The following ETV5 variants were observed in gnomAD, a reference collection of about 807,000 sequenced individuals.
The protein encoded by ETV5 is ETS variant transcription factor 5.
ETV5 carries 10 observed loss-of-function variants against 70.0 expected under a neutral mutation model. That is an observed-to-expected ratio of 0.14 (90% confidence interval 0.09 to 0.24). The LOEUF (loss-of-function observed/expected upper bound fraction) is 0.24. Among genes scored for constraint, ETV5 ranks in the 10% least tolerant of loss-of-function variants. The pLI is 1.00. For missense variants in ETV5, 453 were observed against 651.2 expected, an observed-to-expected ratio of 0.70 and a Z score of 3.31; for synonymous variants, 216 against 242.2, an observed-to-expected ratio of 0.89 and a Z score of 1.01.
chr3:186,083,609 C>G (rs140051787), intron 5 of ETV5, among the ~76,000 whole-genome samples: 9 of 152,146 alleles, frequency 5.9e-5, no homozygotes, highest in Non-Finnish European at 1.0e-4. Flanking sequence ...TAGTGTGTAC[C>G]ACATCATTTT....
chr3:186,081,113 G>C lies in ETV5; in HGVS notation c.295C>G (p.Leu99Val). 1 of 1,613,862 alleles carries C rather than the reference G, an allele frequency of 6.2e-7. No individual in the cohort carries two copies. The highest frequency in any genetic ancestry group is 8.5e-7 in the Non-Finnish European group (1 of 1,179,826). ...GCCTGCTCATGGCTACAAGACGACA[G>C]CTCAGAGGAGGGGCTGTGCAGCTCC... ...KRELHSPSSE[L>V]SSCSHEQALG... The change falls in exon 6 of 13, where the codon CTG (leucine) becomes GTG (valine). Residue 99 changes from leucine to valine, a missense_variant. Physicochemically the swap from Leu to Val is conservative, Grantham distance 32 (BLOSUM62 1). Transcript: ENST00000306376.
At position 186,052,179 on chromosome 3, in the gene ETV5, C is replaced by T. The variant is rs774218618; in HGVS notation, c.1210-48G>A. 38 of 1,568,528 alleles carry T rather than the reference C, an allele frequency of 2.4e-5. No individual in the cohort carries two copies. Among genetic ancestry groups the T allele is most frequent in the Non-Finnish European group, 3.1e-5 (35 of 1,139,974 alleles). On this transcript the variant is annotated intron_variant, in intron 11 of 12. Transcript: ENST00000306376. This position sits in a 1 kb window ranked among gnomAD's most constrained non-coding sequence, Gnocchi z 4.5. ...AGCAATGGAAACGCATTCCCTGGGC[C>T]CCATGTTCTCTCCCAATCCCAGCAG...
chr3:186,106,074 G>C, intron 1 of ETV5, 132 bp from the exon 2 acceptor site: 1 of 636,244 alleles, frequency 1.6e-6, no homozygotes, highest in South Asian at 2.0e-5. Context: ...CCTACTCAAG[G>C]TGCAAGCTTT....
At chr3:186,062,393 C>T (rs187463070) in intron 9 of ETV5, among the ~76,000 whole-genome samples, 38 of 152,280 alleles carry the variant, frequency 2.5e-4, no homozygotes, top group African/African-American at 7.7e-4. Context: ...GAGGCCGAGG[C>T]GGGCAGATCA....
At position 186,048,726 on chromosome 3, in the gene ETV5, C is replaced by T. The variant is rs116523688; in HGVS notation, c.1446G>A (p.Pro482=). The T allele has an allele frequency of 7.3e-4, 1,186 of 1,614,140 alleles. 14 individuals are homozygous for T. In the African/African-American group the frequency reaches 0.014, roughly 19 times the overall value. Residue 482 remains proline, a synonymous_variant, in exon 13 of 13, where the codon CCG becomes CCA. Coordinates refer to ENST00000306376, the MANE Select transcript of ETV5 (RefSeq NM_004454.3). ...CGGGGCTGTCTTCAAAGTGGGTCAGCGGCAGGGTGTCCTCCTCGCTGAGGT... is the reference window on the plus strand; with the variant it reads ...CGGGGCTGTCTTCAAAGTGGGTCAGTGGCAGGGTGTCCTCCTCGCTGAGGT... ...ECHLSEEDTL[P]LTHFEDSPAY... is the part of the protein sequence containing the mutation.
At position 186,079,665 on chromosome 3, in the gene ETV5, C is replaced by T. The variant is rs1292236096; in HGVS notation, c.650+152G>A. The stretch of plus-strand genomic sequence containing the variant: ...AGGGTGGTATATAAACAGTCATATT[C>T]GTATTATCATTAGTCTTGCCTCACA... On this transcript the variant is annotated intron_variant, in intron 7 of 12. Coordinates refer to ENST00000306376, the MANE Select transcript of ETV5 (RefSeq NM_004454.3). The T allele has an allele frequency of 1.4e-5, 10 of 713,726 alleles. No homozygotes were observed. In the Admixed American group the frequency reaches 2.0e-4, roughly 14 times the overall value. The allele number at this position is 713,726 out of a possible 1,614,324, so 44.2% of individuals were successfully genotyped here. A position where few individuals can be genotyped will look rare whatever the true frequency, so the allele number is the denominator to read the frequency against.
rs1005456518 is a variant in ETV5, at chr3:186,105,766, G to A, written c.46-54C>T. 1.2e-6 allele frequency: 2 copies of A among 1,611,422 alleles called. No homozygotes were observed. The highest frequency in any genetic ancestry group is 2.2e-5 in the East Asian group (1 of 44,880). On this transcript the variant is annotated intron_variant, in intron 2 of 12. Transcript: ENST00000306376. The surrounding 1 kb of genome is among the most constrained non-coding windows in gnomAD (Gnocchi z 4.5). ...TCAAGTGTAGTAAAGAGGTCCACAG[G>A]GGGAAGACTCATATTGGAGAGGGAG... is the stretch of plus-strand genomic sequence containing the variant.
chr3:186,050,404 C>G (rs1053335240), intron 12 of ETV5, among the ~76,000 whole-genome samples: 1 of 152,160 alleles, frequency 6.6e-6, no homozygotes, highest in Non-Finnish European at 1.5e-5. Flanking sequence ...TGGGTTGCAT[C>G]TCCCCATGCT....
chr3:186,094,379 C>A (rs1714254737), intron 5 of ETV5, among the ~76,000 whole-genome samples: 1 of 152,114 alleles, frequency 6.6e-6, no homozygotes, highest in Non-Finnish European at 1.5e-5. Flanking sequence ...ACAGTAATTT[C>A]CAAACAGAAA....
chr3:186,106,798 G>C (rs1231532385), intron 1 of ETV5: 3 of 242,596 alleles, frequency 1.2e-5, no homozygotes, highest in Non-Finnish European at 2.0e-5. Context: ...GGGGAAAAAG[G>C]GTGGGGTTAG....
Position 186,086,888 on chromosome 3 carries a change from T to C in ETV5, c.233-5713A>G, listed in dbSNP as rs529689972. 6.6e-5 allele frequency among the ~76,000 whole-genome samples: 10 copies of C among 151,980 alleles called. No homozygotes were observed. The East Asian group carries it at 1.9e-3, about 29-fold the overall frequency. On this transcript the variant is annotated intron_variant, in intron 5 of 12. Transcript: ENST00000306376. ...AGGTAGGGTGAGGTGGGCGGGTCAC[T>C]TGAGCCCGGGAGGCTGAGGCTACTG...
chr3:186,107,254 C>T (rs1470792344), intron 1 of ETV5, among the ~76,000 whole-genome samples: 1 of 152,204 alleles, frequency 6.6e-6, no homozygotes, highest in Non-Finnish European at 1.5e-5. Context: ...CGTGCCCCGT[C>T]CAAACACCAC....
chr3:186,108,382 C>T lies in ETV5; in HGVS notation c.-75+558G>A, dbSNP rs898862282. On this transcript the variant is annotated intron_variant, in intron 1 of 12. Transcript: ENST00000306376. ...GGTGGGAGCAGGGCGACTGGATGTC[C>T]ACTTTCCACCACCTGAAACTTGCAA... The T allele has an allele frequency of 1.5e-4, 101 of 652,446 alleles. 1 individual carries two copies. The highest frequency in any genetic ancestry group is 1.3e-3 in the South Asian group (90 of 68,622). 40.4% of individuals were successfully genotyped at this position (652,446 alleles called of 1,614,324 possible).
chr3:186,083,914 C>G (rs1304791897), intron 5 of ETV5, among the ~76,000 whole-genome samples: 4 of 152,100 alleles, frequency 2.6e-5, no homozygotes, highest in African/African-American at 9.7e-5. Context: ...GAACAAGGCT[C>G]AGCTCCTCAA....
intron 12 of ETV5, among the ~76,000 whole-genome samples, chr3:186,049,684 A>C (rs532024244): frequency 6.6e-6 from 1 of 152,354 alleles, no homozygotes; most frequent in African/African-American, 2.4e-5. Flanking sequence ...GTTGAGTTTA[A>C]TCCTGCCCTT....
At position 186,054,061 on chromosome 3, in the gene ETV5, T is replaced by C. The variant is rs1005595613; in HGVS notation, c.1210-1930A>G. Reference sequence around the variant, plus strand: ...TTGCTTACTGGAGAAAGGTTTGGTATACGCACAGATTTCAAAGCAGCTCTG... The same window carrying C: ...TTGCTTACTGGAGAAAGGTTTGGTACACGCACAGATTTCAAAGCAGCTCTG... On this transcript the variant is annotated intron_variant, in intron 11 of 12. Transcript: ENST00000306376. This position sits in a 1 kb window ranked among gnomAD's most constrained non-coding sequence, Gnocchi z 4.4. 2.0e-5 allele frequency among the ~76,000 whole-genome samples: 3 copies of C among 152,244 alleles called. No homozygotes were observed. Among genetic ancestry groups the C allele is most frequent in the Admixed American group, 6.5e-5 (1 of 15,278 alleles).
intron 11 of ETV5, 113 bp downstream of exon 11, chr3:186,056,962 G>T: frequency 7.9e-7 from 1 of 1,258,974 alleles, no homozygotes; most frequent in Non-Finnish European, 1.1e-6. Flanking sequence ...GCCAGAATAT[G>T]AATGAGAAGC....
At chr3:186,053,691 C>G (rs564320700) in intron 11 of ETV5, among the ~76,000 whole-genome samples, 1 of 152,282 alleles carries the variant, frequency 6.6e-6, no homozygotes, top group Non-Finnish European at 1.5e-5. Context: ...TGTCCTGGGT[C>G]TCCTCTTTTC....
chr3:186,094,914 C>G (rs1263918136), intron 5 of ETV5, among the ~76,000 whole-genome samples: 3 of 152,136 alleles, frequency 2.0e-5, no homozygotes, highest in Admixed American at 6.5e-5. Flanking sequence ...CGCCCCCTTT[C>G]GACTACCATA....
Sources: gnomAD v4.1 joint callset for allele counts (sites outside exome capture counted in the v4.1 genomes callset) on GRCh38, gnomAD v4.1.1 for gene constraint, Gnocchi (gnomAD v3.1) non-coding constraint, MANE v1.5 for transcripts, NCBI Gene and HGNC (gene_info 2026-07-23, HGNC 2026-07-21) for gene names.